Variants in DPP10 observed in about 807,000 individuals in gnomAD.
DPP10 encodes dipeptidyl peptidase like 10, also known as inactive dipeptidyl peptidase 10.
DPP10 carries 33 observed loss-of-function variants against 120.9 expected under a neutral mutation model. That is an observed-to-expected ratio of 0.27 (90% CI 0.21 to 0.37). The LOEUF (loss-of-function observed/expected upper bound fraction) is 0.37, where lower values mean the gene tolerates loss of function less well. Among genes scored for constraint, DPP10 ranks in the 10% least tolerant of loss-of-function variants. The pLI is 1.00. For missense variants in DPP10, 816 were observed against 942.8 expected (o/e 0.87, Z 1.76); for synonymous variants, 337 against 326.1 (o/e 1.03, Z -0.36).
intron 7 of DPP10, among the ~76,000 whole-genome samples, chr2:115,720,404 G>T (rs1267764686): frequency 6.6e-6 from 1 of 152,094 alleles, no homozygotes; most frequent in Non-Finnish European, 1.5e-5. Flanking sequence ...ATATTGCTTA[G>T]AGGAGGAAAC....
At chr2:114,897,062 A>G (rs1693072493) in intron 1 of DPP10, among the ~76,000 whole-genome samples, 1 of 152,174 alleles carries the variant, frequency 6.6e-6, no homozygotes, top group Admixed American at 6.5e-5. Context: ...ATATTGAACC[A>G]GCCTTGCATC....
intron 1 of DPP10, among the ~76,000 whole-genome samples, chr2:114,506,162 C>T (rs1423565321): frequency 6.6e-6 from 1 of 152,186 alleles, no homozygotes; most frequent in African/African-American, 2.4e-5. Flanking sequence ...TCCAAAACCA[C>T]CCATGGCCTG....
chr2:114,841,917 A>G (rs570648666), intron 1 of DPP10, among the ~76,000 whole-genome samples: 1 of 152,208 alleles, frequency 6.6e-6, no homozygotes, highest in South Asian at 2.1e-4. Flanking sequence ...GCTTCATTCC[A>G]AGTCTGACTC....
At chr2:115,656,265 T>A (rs2088325875) in intron 5 of DPP10, among the ~76,000 whole-genome samples, 1 of 151,592 alleles carries the variant, frequency 6.6e-6, no homozygotes, top group Non-Finnish European at 1.5e-5. Context: ...TTCATGTGTA[T>A]CAATTATATA....
chr2:114,505,883 T>C (rs1238421051), intron 1 of DPP10, among the ~76,000 whole-genome samples: 5 of 152,234 alleles, frequency 3.3e-5, no homozygotes, highest in African/African-American at 1.2e-4. Flanking sequence ...AGTTCATGCA[T>C]GTTAGTTTTT....
At chr2:115,572,783 C>A (rs2081413991) in intron 5 of DPP10, among the ~76,000 whole-genome samples, 1 of 152,126 alleles carries the variant, frequency 6.6e-6, no homozygotes, top group Non-Finnish European at 1.5e-5. Flanking sequence ...TTAGAAAAAG[C>A]AAAGTGTAAC....
At chr2:114,616,245 A>G (rs1332498320) in intron 1 of DPP10, among the ~76,000 whole-genome samples, 1 of 152,084 alleles carries the variant, frequency 6.6e-6, no homozygotes, top group East Asian at 1.9e-4. Context: ...ATTACAATTG[A>G]CAGAGTGTGC....
At chr2:115,061,496 C>T (rs758134752) in intron 1 of DPP10, among the ~76,000 whole-genome samples, 26 of 152,134 alleles carry the variant, frequency 1.7e-4, no homozygotes, top group Non-Finnish European at 2.5e-4. Flanking sequence ...TTTATCATCC[C>T]TCATGCAAAA....
At chr2:114,755,965 A>T (rs904113465) in intron 1 of DPP10, among the ~76,000 whole-genome samples, 98 of 151,834 alleles carry the variant, frequency 6.5e-4, no homozygotes, top group African/African-American at 2.3e-3. Context: ...AAAAAAAAAA[A>T]AAAGAAATTA....
intron 1 of DPP10, among the ~76,000 whole-genome samples, chr2:114,749,930 T>G (rs979966588): frequency 3.4e-4 from 51 of 152,200 alleles, no homozygotes; most frequent in African/African-American, 1.2e-3. Context: ...ATATTTAGTG[T>G]GATAAGTTTT....
At chr2:114,624,983 T>C (rs1475449160) in intron 1 of DPP10, among the ~76,000 whole-genome samples, 2 of 151,954 alleles carry the variant, frequency 1.3e-5, no homozygotes, top group African/African-American at 2.4e-5. Context: ...CTCCAAGAGA[T>C]AATGACTCCT....
At chr2:114,586,083 A>G (rs528109505) in intron 1 of DPP10, among the ~76,000 whole-genome samples, 2 of 152,248 alleles carry the variant, frequency 1.3e-5, no homozygotes, top group South Asian at 2.1e-4. Context: ...CTCCATCTCT[A>G]TAATAAATAC....
intron 1 of DPP10, among the ~76,000 whole-genome samples, chr2:115,169,363 A>C (rs1043181056): frequency 6.6e-6 from 1 of 152,170 alleles, no homozygotes; most frequent in African/African-American, 2.4e-5. Flanking sequence ...TTCTTTTACA[A>C]AAGTAAATTT....
At chr2:115,310,470 A>T (rs2061532055) in intron 2 of DPP10, among the ~76,000 whole-genome samples, 1 of 152,176 alleles carries the variant, frequency 6.6e-6, no homozygotes, top group Admixed American at 6.6e-5. Context: ...GAAATAAATA[A>T]ACTGCCAAAA....
At chr2:114,685,061 G>A (rs1312427852) in intron 1 of DPP10, among the ~76,000 whole-genome samples, 6 of 151,920 alleles carry the variant, frequency 3.9e-5, no homozygotes, top group South Asian at 2.1e-4. Context: ...TTTCTGCATC[G>A]TCTGATGAAG....
chr2:115,167,895 T>C (rs1573868128), intron 1 of DPP10, among the ~76,000 whole-genome samples: 1 of 152,346 alleles, frequency 6.6e-6, no homozygotes, highest in East Asian at 1.9e-4. Flanking sequence ...AAACTTTGGC[T>C]AATTCTCACC....
chr2:115,421,282 A>C (rs2069929811), intron 3 of DPP10, among the ~76,000 whole-genome samples: 1 of 152,172 alleles, frequency 6.6e-6, no homozygotes, highest in East Asian at 1.9e-4. Context: ...TAATATTATA[A>C]AATCTTCCTC....
intron 1 of DPP10, among the ~76,000 whole-genome samples, chr2:115,049,290 A>G (rs546244679): frequency 5.3e-5 from 8 of 152,234 alleles, no homozygotes; most frequent in Admixed American, 2.6e-4. Flanking sequence ...TGTATGCTAG[A>G]TAGTGTGCTA....
At chr2:115,463,275 C>A (rs1044846166) in intron 3 of DPP10, among the ~76,000 whole-genome samples, 2 of 152,166 alleles carry the variant, frequency 1.3e-5, no homozygotes, top group Non-Finnish European at 2.9e-5. Flanking sequence ...TATACCACAC[C>A]TGGCATCTGA....
Sources: allele counts gnomAD v4.1 joint callset (sites outside exome capture counted in the v4.1 genomes callset), GRCh38; gene constraint gnomAD v4.1.1; transcripts MANE v1.5; gene names NCBI Gene and HGNC (gene_info 2026-07-23, HGNC 2026-07-21).